Variants in TMEM181 observed in about 807,000 individuals in gnomAD.
TMEM181 encodes the protein G protein-coupled receptor 178.
TMEM181 carries 39 observed loss-of-function variants against 71.9 expected under a neutral mutation model. That is an observed-to-expected ratio of 0.54 (90% CI 0.42 to 0.71). The LOEUF (loss-of-function observed/expected upper bound fraction) is 0.71. Ranked by LOEUF, TMEM181 falls within the 30% of genes least tolerant of loss-of-function variation. The pLI, the probability that TMEM181 is intolerant of heterozygous loss-of-function variation, is 0.00. For missense variants in TMEM181, 595 were observed against 583.0 expected (o/e 1.02, Z -0.21); for synonymous variants, 245 against 228.8 (o/e 1.07, Z -0.64).
At chr6:158,538,920 G>A (rs1209229360) in intron 1 of TMEM181, among the ~76,000 whole-genome samples, 1 of 152,240 alleles carries the variant, frequency 6.6e-6, no homozygotes, top group African/African-American at 2.4e-5. Context: ...TGGAAGACCA[G>A]CGAGCCTGGA....
chr6:158,619,887 AAAGG>A (rs1292736983), intron 10 of TMEM181, among the ~76,000 whole-genome samples: 34 of 103,898 alleles, frequency 3.3e-4, no homozygotes, highest in East Asian at 1.4e-3. Context: ...AAAAAAAAAA[AAAGG>A]AGGATGTCAT....
At chr6:158,542,977 A>G (rs956690244) in intron 1 of TMEM181, among the ~76,000 whole-genome samples, 1 of 147,566 alleles carries the variant, frequency 6.8e-6, no homozygotes, top group Non-Finnish European at 1.5e-5. Context: ...CCAGGTTCAA[A>G]TGATTCTCCT....
intron 13 of TMEM181, among the ~76,000 whole-genome samples, chr6:158,627,133 TCA>T (rs1691199600): frequency 7.0e-6 from 1 of 142,132 alleles, no homozygotes; most frequent in South Asian, 2.3e-4. Flanking sequence ...ACACCCTTGC[TCA>T]CACACCTTAC....
At chr6:158,553,174 A>T (rs1781769691) in intron 1 of TMEM181, among the ~76,000 whole-genome samples, 1 of 140,340 alleles carries the variant, frequency 7.1e-6, no homozygotes, top group African/African-American at 2.8e-5. Flanking sequence ...GGCGACAGAG[A>T]GGGGTCCCTG....
chr6:158,539,927 T>C (rs1346003328), intron 1 of TMEM181, among the ~76,000 whole-genome samples: 3 of 152,162 alleles, frequency 2.0e-5, no homozygotes, highest in Non-Finnish European at 4.4e-5. Context: ...TTCATAAGAC[T>C]CAGACACTTT....
chr6:158,584,035 C>A lies in TMEM181; in HGVS notation c.250C>A (p.Gln84Lys). The A allele has an allele frequency of 6.2e-7, 1 of 1,610,280 alleles. No individual in the cohort carries two copies. The highest frequency in any genetic ancestry group is 1.1e-5 in the South Asian group (1 of 90,128). The change falls in exon 4 of 17, where the codon CAA (glutamine) becomes AAA (lysine). Residue 84 changes from glutamine to lysine, a missense_variant. Coordinates refer to ENST00000684151, the MANE Select transcript of TMEM181 (RefSeq NM_001376852.1). ...LWLTCVVELD[Q>K]SKETSIKTSF... ...GCTGACATGTGTTGTTGAGTTGGAT[C>A]AATCAAAAGGTATGGAGCTTGACAT...
intron 10 of TMEM181, 73 bp downstream of exon 10, chr6:158,608,823 C>T (rs780335638): frequency 5.7e-5 from 80 of 1,410,508 alleles, no homozygotes; most frequent in Non-Finnish European, 7.4e-5. Flanking sequence ...CCAGGCCAGG[C>T]GTAGTGGCTC....
At chr6:158,548,409 A>G (rs550132996) in intron 1 of TMEM181, among the ~76,000 whole-genome samples, 1 of 152,302 alleles carries the variant, frequency 6.6e-6, no homozygotes, top group East Asian at 1.9e-4. Flanking sequence ...AACTCATAGA[A>G]AAACATGGGC....
chr6:158,559,416 C>T (rs750715940), upstream of TMEM181, among the ~76,000 whole-genome samples: 7 of 152,132 alleles, frequency 4.6e-5, no homozygotes, highest in African/African-American at 7.2e-5. Flanking sequence ...TCATGCAGAC[C>T]GACTTTAAAC....
intron 6 of TMEM181, among the ~76,000 whole-genome samples, chr6:158,601,206 C>T (rs1784652548): frequency 6.6e-6 from 1 of 152,142 alleles, no homozygotes; most frequent in African/African-American, 2.4e-5. Flanking sequence ...TGAACTTTTG[C>T]TGTTTGCTGG....
chr6:158,566,326 G>C (rs1019995504), intron 1 of TMEM181, among the ~76,000 whole-genome samples: 1 of 152,130 alleles, frequency 6.6e-6, no homozygotes, highest in Admixed American at 6.6e-5. Flanking sequence ...TCGCAAGCCC[G>C]AGACAGGATG....
chr6:158,580,297 T>C (rs995189447), intron 2 of TMEM181, among the ~76,000 whole-genome samples: 1 of 152,058 alleles, frequency 6.6e-6, no homozygotes, highest in Admixed American at 6.6e-5. Flanking sequence ...GCTATTGCAC[T>C]CCAGCCTGGG....
chr6:158,631,656 G>A (rs1219458909), intron 16 of TMEM181, among the ~76,000 whole-genome samples, 154 bp from the exon 17 acceptor site: 1 of 152,238 alleles, frequency 6.6e-6, no homozygotes, highest in Admixed American at 6.5e-5. Flanking sequence ...GGGGGTCAGG[G>A]AGAGGAGGAC....
At position 158,573,508 on chromosome 6, in the gene TMEM181, T is replaced by G. The variant is rs1345256560; in HGVS notation, c.97T>G (p.Phe33Val). 1 of 1,606,522 alleles carries G rather than the reference T, an allele frequency of 6.2e-7. No homozygotes were observed. The change falls in exon 2 of 17, where the codon TTC (phenylalanine) becomes GTC (valine). Residue 33 changes from phenylalanine (F) to valine (V), a missense_variant. Transcript: ENST00000684151. ...VFFICFGLTI[F>V]VGIRGPKVIQ... is the part of the protein sequence containing the mutation. ...CTTCATCTGCTTTGGCCTGACCATC[T>G]TCGTTGGGATCAGAGGTAAGGTTCG...
At chr6:158,563,376 T>C (rs1322853795) in intron 1 of TMEM181, among the ~76,000 whole-genome samples, 1 of 152,222 alleles carries the variant, frequency 6.6e-6, no homozygotes, top group Non-Finnish European at 1.5e-5. Context: ...ACTCCTGACC[T>C]CAGGTGATCT....
intron 1 of TMEM181, chr6:158,572,456 G>A (rs563405435): frequency 1.8e-5 from 8 of 456,606 alleles, no homozygotes; most frequent in Admixed American, 4.7e-5. Flanking sequence ...AGACAGCGCC[G>A]CACGTCCCTC....
At chr6:158,584,097 AT>A (rs1275393281) in intron 4 of TMEM181, 53 bp downstream of exon 4, 4 of 1,454,966 alleles carry the variant, frequency 2.7e-6, no homozygotes, top group African/African-American at 2.8e-5. Flanking sequence ...GAAACATCGT[AT>A]TTTAGATGTT....
intron 3 of TMEM181, among the ~76,000 whole-genome samples, chr6:158,583,050 C>T (rs773328329): frequency 2.0e-5 from 3 of 151,998 alleles, no homozygotes; most frequent in Non-Finnish European, 4.4e-5. Flanking sequence ...CTGGCCAACA[C>T]GGTGAAACTC....
intron 10 of TMEM181, chr6:158,611,179 C>T: frequency 1.1e-5 from 6 of 527,300 alleles, no homozygotes; most frequent in Non-Finnish European, 3.9e-6. Flanking sequence ...TCCTCTCTGG[C>T]ACTGTCTTGT....
Sources: allele counts gnomAD v4.1 joint callset (sites outside exome capture counted in the v4.1 genomes callset), GRCh38; gene constraint gnomAD v4.1.1; transcripts MANE v1.5; gene names NCBI Gene and HGNC (gene_info 2026-07-23, HGNC 2026-07-21).